MVK: variants seen among roughly 807,000 people sequenced by gnomAD.
MVK encodes the protein mevalonate kinase, also known as LH receptor mRNA-binding protein.
Under a neutral mutation model 43.2 loss-of-function variants are expected in MVK, and 34 were observed. That is an observed-to-expected ratio of 0.79 (90% confidence interval 0.60 to 1.05). MVK has a LOEUF of 1.05. Ranked by LOEUF, MVK falls within the 50% of genes least tolerant of loss-of-function variation. The probability of loss-of-function intolerance (pLI) is 0.00; values close to 1 mark genes in which losing one functional copy is unlikely to be tolerated. For synonymous variants in MVK, 190 were observed against 219.8 expected (o/e 0.86, Z 1.20); for missense variants, 395 against 504.0 (o/e 0.78, Z 2.07).
At chr12:109,589,038 C>CAA (rs573554700) in intron 7 of MVK, 243 of 152,556 alleles carry the variant, frequency 1.6e-3, no homozygotes, top group African/African-American at 5.6e-3. Flanking sequence ...GGTCCTGAGA[C>CAA]GAGCACGCTG....
Position 109,581,516 on chromosome 12 carries a change from C to T in MVK, c.493C>T (p.Pro165Ser), listed in dbSNP as rs1384531606. 1 of 1,614,204 alleles carries T rather than the reference C, an allele frequency of 6.2e-7. No individual in the cohort carries two copies. The part of the protein sequence containing the change: ...AALLTVCEEI[P>S]NPLKDGDCVN... ...CCTCCTGACTGTGTGCGAGGAGATC[C>T]CAAACCCGCTGAAGGACGGGGATTG... The change falls in exon 5 of 11, where the codon CCA (proline) becomes TCA (serine). Residue 165 changes from proline (P) to serine (S), a missense_variant. Transcript: ENST00000228510.
intron 5 of MVK, among the ~76,000 whole-genome samples, chr12:109,583,906 G>A (rs1260888609): frequency 6.6e-6 from 1 of 152,226 alleles, no homozygotes; most frequent in African/African-American, 2.4e-5. Flanking sequence ...CTCCCTACTA[G>A]GAGCTTAGTC....
At chr12:109,578,591 G>A (rs1885066382) in intron 3 of MVK, among the ~76,000 whole-genome samples, 1 of 152,164 alleles carries the variant, frequency 6.6e-6, no homozygotes, top group Admixed American at 6.5e-5. Flanking sequence ...AAAGGATTCA[G>A]ACCCAGGTTT....
chr12:109,591,352 C>G lies in MVK; in HGVS notation c.880C>G (p.Leu294Val). ...EAPAPEQYLVLEELIDMNQHH... is the reference protein window; with the variant it reads ...EAPAPEQYLVVEELIDMNQHH... ...CCCAGCCCCGGAGCAGTACCTCGTG[C>G]TGGAAGTAAGAGCCTGTCTGCAGGA... Residue 294 changes from leucine to valine, a missense_variant, in exon 9 of 11, where the codon CTG becomes GTG. Coordinates refer to ENST00000228510, the MANE Select transcript of MVK (RefSeq NM_000431.4). The G allele has an allele frequency of 6.2e-7, 1 of 1,614,044 alleles. No homozygotes were observed. Among genetic ancestry groups the G allele is most frequent in the Non-Finnish European group, 8.5e-7 (1 of 1,179,946 alleles).
intron 4 of MVK, 115 bp from the exon 5 acceptor site, chr12:109,581,280 A>C (rs1885203530): frequency 1.5e-6 from 2 of 1,352,958 alleles, no homozygotes; most frequent in African/African-American, 2.9e-5. Context: ...ATTCTCCCCC[A>C]GTTGAGAAAA....
chr12:109,576,870 CA>C (rs59269664), intron 3 of MVK, among the ~76,000 whole-genome samples: 18,657 of 102,700 alleles, frequency 0.18, 1,145 homozygotes, highest in Middle Eastern at 0.25. Context: ...GACTCCATCT[CA>C]AAAAAAAAAA....
intron 10 of MVK, 31 bp from the exon 11 acceptor site, chr12:109,596,395 G>T (rs780377117): frequency 6.2e-7 from 1 of 1,608,784 alleles, no homozygotes; most frequent in South Asian, 1.1e-5. Context: ...GCGGAGAGTT[G>T]TCAAGGGTGA....
chr12:109,581,447 G>A lies in MVK; in HGVS notation c.424G>A (p.Gly142Ser). The stretch of plus-strand genomic sequence containing the variant: ...GTGGTCGGAGCTGCCCCCCGGGGCG[G>A]GCTTGGGCTCCAGCGCCGCCTACTC... Reference protein sequence around the residue: ...VVWSELPPGAGLGSSAAYSVC... With the variant: ...VVWSELPPGASLGSSAAYSVC... Residue 142 changes from glycine to serine, a missense_variant, in exon 5 of 11, where the codon GGC (glycine) becomes AGC (serine). Physicochemically the swap from Gly to Ser is moderately conservative, Grantham distance 56. Coordinates refer to ENST00000228510, the MANE Select transcript of MVK (RefSeq NM_000431.4). 1 of 1,614,184 alleles carries A rather than the reference G, an allele frequency of 6.2e-7. No individual in the cohort carries two copies. The highest frequency in any genetic ancestry group is 1.1e-5 in the South Asian group (1 of 91,084).
intron 1 of MVK, 97 bp from the exon 2 acceptor site, chr12:109,574,710 TTG>T: frequency 9.5e-7 from 1 of 1,048,978 alleles, no homozygotes; most frequent in Non-Finnish European, 1.4e-6. Context: ...ACTACCTTTT[TTG>T]TTATTATGAT....
At position 109,595,817 on chromosome 12, in the gene MVK, TCTC is replaced by T. The variant is rs1049569673; in HGVS notation, c.1040-602_1040-600del. ...TTCCTTCTTTCTCTTTCTGTCTTTA[TCTC>T]CTCCTCTCTGTTCTTCATCCTTCCT... On this transcript the variant is annotated intron_variant, in intron 10 of 10. Coordinates refer to ENST00000228510, the MANE Select transcript of MVK (RefSeq NM_000431.4). The surrounding 1 kb of genome is among the most constrained non-coding windows in gnomAD (Gnocchi z 5.9). Among the ~76,000 whole-genome samples the T allele has an allele frequency of 1.6e-4, 24 of 152,208 alleles. 2 individuals are homozygous for T. Among genetic ancestry groups the T allele is most frequent in the African/African-American group, 5.3e-4 (22 of 41,508 alleles).
chr12:109,591,155 T>G (rs1183634251), intron 8 of MVK, 86 bp from the exon 9 acceptor site: 1 of 1,301,110 alleles, frequency 7.7e-7, no homozygotes, highest in Non-Finnish European at 1.1e-6. Context: ...TGTGAACACC[T>G]CCTCCCTCCA....
chr12:109,590,971 G>T (rs370029564), intron 8 of MVK, 110 bp downstream of exon 8: 1 of 1,208,680 alleles, frequency 8.3e-7, no homozygotes, highest in Non-Finnish European at 1.2e-6. Flanking sequence ...GTGGTGGGTG[G>T]TGGGGGCCCT....
chr12:109,583,432 CATT>C, intron 5 of MVK, among the ~76,000 whole-genome samples: 1 of 152,166 alleles, frequency 6.6e-6, no homozygotes, highest in Non-Finnish European at 1.5e-5. Flanking sequence ...ATGAACTCAT[CATT>C]TTTTATGGCT....
At chr12:109,593,628 C>T (rs1449185599) in intron 9 of MVK, among the ~76,000 whole-genome samples, 8 of 151,734 alleles carry the variant, frequency 5.3e-5, no homozygotes, top group Non-Finnish European at 1.0e-4. Flanking sequence ...ATGATGCTAA[C>T]GTACCCATAA....
In MVK at chr12:109,576,155, A is replaced by G; in HGVS notation, c.226+10A>G. On this transcript the variant is annotated intron_variant, in intron 3 of 10. Coordinates refer to ENST00000228510, the MANE Select transcript of MVK (RefSeq NM_000431.4). The stretch of plus-strand genomic sequence containing the variant: ...GACACAAGCTTTCTGGGTGAGTGCA[A>G]GGAGGAGAAACCAGGTGTGCTAAGA... 6.2e-7 allele frequency: 1 copy of G among 1,614,082 alleles called. No individual in the cohort carries two copies. Among genetic ancestry groups the G allele is most frequent in the Non-Finnish European group, 8.5e-7 (1 of 1,179,988 alleles).
Position 109,590,828 on chromosome 12 carries a change from C to T in MVK, c.735C>T (p.Ala245=), listed in dbSNP as rs747858348. ...TNTKVPRNTR[A]LVAGVRNRLL... ...CCAAAGTCCCTCGCAATACCAGGGC[C>T]CTTGTGGCTGGCGTCAGAAACAGGC... Residue 245 remains alanine, a synonymous_variant, in exon 8 of 11, where the codon GCC becomes GCT. Transcript: ENST00000228510. The T allele has an allele frequency of 6.2e-7, 1 of 1,614,200 alleles. No individual in the cohort carries two copies. The highest frequency in any genetic ancestry group is 1.1e-5 in the South Asian group (1 of 91,086).
intron 3 of MVK, among the ~76,000 whole-genome samples, chr12:109,577,986 G>A (rs1885038195): frequency 6.6e-6 from 1 of 152,162 alleles, no homozygotes; most frequent in Non-Finnish European, 1.5e-5. Flanking sequence ...AGGTATGGGG[G>A]AACATGTCTC....
At chr12:109,592,510 T>C (rs1402020736) in intron 9 of MVK, among the ~76,000 whole-genome samples, 1 of 152,202 alleles carries the variant, frequency 6.6e-6, no homozygotes, top group Non-Finnish European at 1.5e-5. Flanking sequence ...GCCTGGTGTC[T>C]CCCGGTCCCC....
intron 7 of MVK, 38 bp downstream of exon 7, chr12:109,586,837 G>A: frequency 6.2e-7 from 1 of 1,612,142 alleles, no homozygotes; most frequent in Non-Finnish European, 8.5e-7. Context: ...AGCCATGGCT[G>A]CATTGATGTG....
Sources: allele counts gnomAD v4.1 joint callset (sites outside exome capture counted in the v4.1 genomes callset), GRCh38; gene constraint gnomAD v4.1.1; non-coding constraint Gnocchi (gnomAD v3.1); transcripts MANE v1.5; gene names NCBI Gene and HGNC (gene_info 2026-07-23, HGNC 2026-07-21).